TENM3: variants seen among roughly 807,000 people sequenced by gnomAD.
The protein encoded by TENM3 is teneurin transmembrane protein 3, also known as teneurin-3.
A neutral mutation model predicts 255.1 loss-of-function variants in TENM3; 63 were observed. The observed-to-expected ratio is 0.25, with a 90% CI of 0.20 to 0.30. TENM3 has a LOEUF of 0.30. TENM3 is among the 10% of genes least tolerant of loss of function. TENM3 has a pLI of 1.00. For synonymous variants in TENM3, 1,306 were observed against 1,322.3 expected (o/e 0.99, Z 0.27); for missense variants, 2,929 against 3,461.1 (o/e 0.85, Z 3.86).
At position 182,789,521 on chromosome 4, in the gene TENM3, G is replaced by T. The variant is rs1158502502; in HGVS notation, c.5601+132G>T. 13 of 882,556 alleles carry T rather than the reference G, an allele frequency of 1.5e-5. No individual in the cohort carries two copies. In the East Asian group the frequency reaches 2.1e-4, roughly 14 times the overall value. 54.7% of individuals were successfully genotyped at this position (882,556 alleles called of 1,614,324 possible). On this transcript the variant is annotated intron_variant, in intron 25 of 27. Transcript: ENST00000511685. This position sits in a 1 kb window ranked among gnomAD's most constrained non-coding sequence, Gnocchi z 4.4. ...CATTTGTTATTCGAAGTATCAATAC[G>T]GAAGTCACATTGGCACAGCAGTGAT...
intron 3 of TENM3, among the ~76,000 whole-genome samples, chr4:182,394,559 G>A (rs1768665639): frequency 6.6e-6 from 1 of 152,162 alleles, no homozygotes; most frequent in Non-Finnish European, 1.5e-5. Flanking sequence ...TAATTTCAAA[G>A]AGTTCTATGT....
intron 1 of TENM3, among the ~76,000 whole-genome samples, chr4:182,168,970 G>C (rs531721763): frequency 4.0e-5 from 6 of 151,764 alleles, no homozygotes; most frequent in African/African-American, 1.2e-4. Flanking sequence ...ATACTTACAG[G>C]CTTAAAAAAA....
At chr4:182,331,570 C>T (rs866323471) in intron 2 of TENM3, among the ~76,000 whole-genome samples, 2 of 152,000 alleles carry the variant, frequency 1.3e-5, no homozygotes, top group Non-Finnish European at 2.9e-5. Flanking sequence ...AATACATGTA[C>T]TGCATTTTGA....
intron 24 of TENM3, among the ~76,000 whole-genome samples, chr4:182,775,986 T>C (rs1233587773): frequency 6.6e-6 from 1 of 151,716 alleles, no homozygotes; most frequent in African/African-American, 2.4e-5. Context: ...AGATTATATA[T>C]ATATAGATAG....
At chr4:181,997,518 A>C in the TENM3 span, among the ~76,000 whole-genome samples, 235 of 152,266 alleles carry the variant, frequency 1.5e-3, 2 homozygotes, top group African/African-American at 5.3e-3. Flanking sequence ...TCTGTTAAAG[A>C]TCTATTGCAT....
intron 3 of TENM3, among the ~76,000 whole-genome samples, chr4:182,438,434 C>T (rs1469002619): frequency 2.0e-5 from 3 of 152,282 alleles, no homozygotes; most frequent in East Asian, 3.9e-4. Context: ...ATCATCATCA[C>T]GCAATAGAGT....
At chr4:182,302,150 G>A (rs1180056681) in intron 1 of TENM3, among the ~76,000 whole-genome samples, 1 of 152,104 alleles carries the variant, frequency 6.6e-6, no homozygotes, top group Non-Finnish European at 1.5e-5. Flanking sequence ...ATCCAAAAAA[G>A]AAAAGGGAGC....
At chr4:182,622,645 A>G (rs962512512) in intron 4 of TENM3, among the ~76,000 whole-genome samples, 53 of 152,320 alleles carry the variant, frequency 3.5e-4, no homozygotes, top group Non-Finnish European at 6.5e-4. Context: ...TGGTTTTTAT[A>G]ATTTCCAGCC....
At chr4:182,022,570 A>G in the TENM3 span, among the ~76,000 whole-genome samples, 1 of 151,938 alleles carries the variant, frequency 6.6e-6, no homozygotes, top group East Asian at 1.9e-4. Context: ...AGAGACATTT[A>G]CTGTCTTGGT....
At chr4:181,454,380 A>G in the TENM3 span, among the ~76,000 whole-genome samples, 62 of 152,128 alleles carry the variant, frequency 4.1e-4, no homozygotes, top group African/African-American at 1.4e-3. Context: ...AAAAATTCCT[A>G]TTGCCTAGTG....
chr4:182,771,401 CT>C (rs1764194159), intron 22 of TENM3, among the ~76,000 whole-genome samples: 1 of 151,778 alleles, frequency 6.6e-6, no homozygotes, highest in Non-Finnish European at 1.5e-5. Context: ...CTGGGGTCAG[CT>C]GCACAAAAGT....
intron 7 of TENM3, among the ~76,000 whole-genome samples, chr4:182,679,078 A>G (rs538873340): frequency 6.6e-6 from 1 of 152,164 alleles, no homozygotes; most frequent in Non-Finnish European, 1.5e-5. Context: ...GGGCTAGGGG[A>G]GGGATAGCAT....
chr4:182,305,288 CT>C (rs760756909), intron 1 of TENM3, among the ~76,000 whole-genome samples: 93 of 152,068 alleles, frequency 6.1e-4, no homozygotes, highest in Non-Finnish European at 1.1e-3. Context: ...AGTAAGACAG[CT>C]TTTGTTTCTT....
chr4:182,548,007 C>T (rs544143083), intron 3 of TENM3, among the ~76,000 whole-genome samples: 14 of 152,044 alleles, frequency 9.2e-5, no homozygotes, highest in East Asian at 3.9e-4. Flanking sequence ...CAGTTAAGCC[C>T]GGTAGTTTGA....
intron 6 of TENM3, among the ~76,000 whole-genome samples, chr4:182,666,746 A>G (rs1351721283): frequency 1.3e-5 from 2 of 152,000 alleles, no homozygotes; most frequent in Non-Finnish European, 2.9e-5. Flanking sequence ...AAAATACCAA[A>G]AAATTAGCCA....
the TENM3 span, among the ~76,000 whole-genome samples, chr4:182,022,022 C>T: frequency 2.6e-5 from 4 of 152,210 alleles, no homozygotes; most frequent in South Asian, 2.1e-4. Context: ...CCATTTGACC[C>T]AGTAGTTCCA....
chr4:182,234,262 C>T (rs1416604318), intron 1 of TENM3, among the ~76,000 whole-genome samples: 2 of 152,182 alleles, frequency 1.3e-5, no homozygotes, highest in African/African-American at 4.8e-5. Flanking sequence ...CGAGTGGCCC[C>T]TGTGTTCTGA....
At chr4:182,247,602 G>C (rs2150099024) in intron 1 of TENM3, among the ~76,000 whole-genome samples, 1 of 152,322 alleles carries the variant, frequency 6.6e-6, no homozygotes, top group East Asian at 1.9e-4. Context: ...TCAGGCCAGT[G>C]ACTTTGTTTT....
intron 1 of TENM3, among the ~76,000 whole-genome samples, chr4:182,238,350 A>T (rs566171591): frequency 9.9e-4 from 151 of 152,320 alleles, no homozygotes; most frequent in African/African-American, 3.3e-3. Context: ...AGGCCTTTGT[A>T]ATTATTCTTC....
Sources: allele counts gnomAD v4.1 joint callset (sites outside exome capture counted in the v4.1 genomes callset), GRCh38; gene constraint gnomAD v4.1.1; non-coding constraint Gnocchi (gnomAD v3.1); transcripts MANE v1.5; gene names NCBI Gene and HGNC (gene_info 2026-07-23, HGNC 2026-07-21).